The following ADAMTSL1 variants were observed in gnomAD, a reference collection of about 807,000 sequenced individuals.
ADAMTSL1 encodes ADAMTS like 1, also known as ADAMTS-like protein 1.
A neutral mutation model predicts 201.8 loss-of-function variants in ADAMTSL1; 126 were observed. The ratio of observed to expected loss-of-function variants is 0.62; its 90% CI spans 0.54 to 0.72. The LOEUF is 0.72. Among genes scored for constraint, ADAMTSL1 ranks in the 30% least tolerant of loss-of-function variants. The pLI is 0.00. For missense variants in ADAMTSL1, 2,679 were observed against 2,277.8 expected (o/e 1.18, Z -3.59); for synonymous variants, 1,121 against 903.4 (o/e 1.24, Z -4.32).
At chr9:18,186,999 G>A (rs1024004241) in intron 2 of ADAMTSL1, among the ~76,000 whole-genome samples, 9 of 152,106 alleles carry the variant, frequency 5.9e-5, no homozygotes, top group Non-Finnish European at 1.0e-4. Flanking sequence ...TCTAACTCTG[G>A]AATACTTCAG....
intron 14 of ADAMTSL1, among the ~76,000 whole-genome samples, chr9:18,715,256 G>A (rs1353623617): frequency 1.0e-4 from 15 of 150,458 alleles, no homozygotes; most frequent in African/African-American, 3.7e-4. Context: ...GGCAGGAGAA[G>A]GAAATAAAGG....
chr9:18,464,622 T>C (rs1349017494), intron 2 of ADAMTSL1, among the ~76,000 whole-genome samples: 1 of 152,202 alleles, frequency 6.6e-6, no homozygotes, highest in African/African-American at 2.4e-5. Flanking sequence ...ACAATAAGGA[T>C]AAAGAAAAAC....
chr9:18,177,687 T>C (rs1828234845), intron 2 of ADAMTSL1, among the ~76,000 whole-genome samples: 1 of 152,154 alleles, frequency 6.6e-6, no homozygotes, highest in Admixed American at 6.5e-5. Flanking sequence ...AAAGGACAAA[T>C]GGAGGAACGG....
chr9:18,581,870 A>T (rs1166107765), intron 4 of ADAMTSL1, among the ~76,000 whole-genome samples: 1 of 152,282 alleles, frequency 6.6e-6, no homozygotes, highest in East Asian at 1.9e-4. Context: ...CTTCCCTCTC[A>T]GCTCAAGGAG....
chr9:18,792,550 A>C (rs753997105), intron 19 of ADAMTSL1, among the ~76,000 whole-genome samples: 60 of 152,122 alleles, frequency 3.9e-4, no homozygotes, highest in Non-Finnish European at 7.5e-4. Flanking sequence ...TTTAATTTCT[A>C]CCTTTGCCAT....
intron 2 of ADAMTSL1, among the ~76,000 whole-genome samples, chr9:18,207,406 T>C (rs1829697186): frequency 6.6e-6 from 1 of 152,190 alleles, no homozygotes; most frequent in Non-Finnish European, 1.5e-5. Flanking sequence ...GTAACTTGCC[T>C]AAAATCACCC....
At chr9:18,584,158 T>C (rs1034610689) in intron 4 of ADAMTSL1, among the ~76,000 whole-genome samples, 1 of 152,204 alleles carries the variant, frequency 6.6e-6, no homozygotes, top group Non-Finnish European at 1.5e-5. Context: ...CCTTGAATTG[T>C]AACTCCCACA....
At chr9:18,244,719 G>A (rs1054992798) in intron 2 of ADAMTSL1, among the ~76,000 whole-genome samples, 8 of 152,032 alleles carry the variant, frequency 5.3e-5, no homozygotes, top group Non-Finnish European at 8.8e-5. Context: ...ATAAGCAGTG[G>A]TGTCAAATAG....
chr9:18,200,399 G>C (rs1944756), intron 2 of ADAMTSL1, among the ~76,000 whole-genome samples: 3 of 151,746 alleles, frequency 2.0e-5, no homozygotes, highest in African/African-American at 7.3e-5. Flanking sequence ...CTTTTCCATT[G>C]GAAATACCAA....
chr9:18,805,859 T>A (rs963127277), intron 20 of ADAMTSL1, among the ~76,000 whole-genome samples: 2 of 152,218 alleles, frequency 1.3e-5, no homozygotes, highest in African/African-American at 2.4e-5. Flanking sequence ...GAAGCTCTCA[T>A]GAAATCTCCA....
chr9:18,161,956 T>G (rs1022754790), intron 1 of ADAMTSL1, among the ~76,000 whole-genome samples: 1 of 152,050 alleles, frequency 6.6e-6, no homozygotes, highest in Non-Finnish European at 1.5e-5. Flanking sequence ...CATTGTGCCC[T>G]GCCTTTCAGT....
At chr9:18,166,320 A>G (rs1827629611) in intron 2 of ADAMTSL1, among the ~76,000 whole-genome samples, 1 of 151,872 alleles carries the variant, frequency 6.6e-6, no homozygotes, top group Non-Finnish European at 1.5e-5. Context: ...CGTGGTGAGA[A>G]AACCCACCAT....
At chr9:18,517,724 C>G (rs1818449024) in intron 2 of ADAMTSL1, among the ~76,000 whole-genome samples, 1 of 152,092 alleles carries the variant, frequency 6.6e-6, no homozygotes, top group South Asian at 2.1e-4. Context: ...CAATTTCATC[C>G]ATGTCCCTAT....
intron 1 of ADAMTSL1, among the ~76,000 whole-genome samples, chr9:18,479,635 C>T (rs1438818312): frequency 6.6e-6 from 1 of 152,072 alleles, no homozygotes; most frequent in African/African-American, 2.4e-5. Context: ...TTTATCTGTG[C>T]CATCGCCCAT....
At chr9:18,109,856 T>G (rs148856670) in intron 1 of ADAMTSL1, among the ~76,000 whole-genome samples, 19 of 152,314 alleles carry the variant, frequency 1.2e-4, no homozygotes, top group Non-Finnish European at 2.2e-4. Context: ...TACTGCCACT[T>G]TCCCCTGCGT....
intron 2 of ADAMTSL1, among the ~76,000 whole-genome samples, chr9:18,299,370 T>G (rs1478178665): frequency 6.6e-6 from 1 of 152,232 alleles, no homozygotes; most frequent in Non-Finnish European, 1.5e-5. Flanking sequence ...TTTCATATCT[T>G]ATTTTTAAAA....
chr9:18,800,131 C>T (rs1822691143), intron 20 of ADAMTSL1, among the ~76,000 whole-genome samples: 1 of 152,042 alleles, frequency 6.6e-6, no homozygotes, highest in Non-Finnish European at 1.5e-5. Context: ...AATCCCAGCA[C>T]TTTGGGAGGC....
At chr9:18,080,606 A>G (rs899796517) in intron 1 of ADAMTSL1, among the ~76,000 whole-genome samples, 6 of 152,230 alleles carry the variant, frequency 3.9e-5, no homozygotes, top group African/African-American at 1.4e-4. Flanking sequence ...AAAACCCTAC[A>G]TTGAAAGAGT....
At chr9:18,085,630 G>GTGTGTGTATACGTATATACAC (rs1304905589) in intron 1 of ADAMTSL1, among the ~76,000 whole-genome samples, 30 of 140,412 alleles carry the variant, frequency 2.1e-4, no homozygotes, top group African/African-American at 7.0e-4. Flanking sequence ...TATATACACT[G>GTGTGTGTATACGTATATACAC]TGTGTGTATA....
Sources: gnomAD v4.1 joint callset for allele counts (sites outside exome capture counted in the v4.1 genomes callset) on GRCh38, gnomAD v4.1.1 for gene constraint, MANE v1.5 for transcripts, NCBI Gene and HGNC (gene_info 2026-07-23, HGNC 2026-07-21) for gene names.